The following WDR53 variants were observed in gnomAD, a reference collection of about 807,000 sequenced individuals.
The protein encoded by WDR53 is WD repeat domain 53.
WDR53 carries 19 observed loss-of-function variants against 21.3 expected under a neutral mutation model. The observed-to-expected ratio is 0.89, with a 90% CI of 0.62 to 1.31. The LOEUF is 1.31. Among genes scored for constraint, WDR53 ranks in the 50% most tolerant of loss-of-function variants. WDR53 has a pLI of 0.00. For missense variants in WDR53, 374 were observed against 423.2 expected (o/e 0.88, Z 1.02); for synonymous variants, 157 against 163.4 (o/e 0.96, Z 0.30).
intron 3 of WDR53, among the ~76,000 whole-genome samples, chr3:196,557,922 T>C (rs1373593150): frequency 6.6e-6 from 1 of 151,530 alleles, no homozygotes; most frequent in Non-Finnish European, 1.5e-5. Context: ...GGACTACAGG[T>C]GCTCACTACA....
rs763160818 is a variant in WDR53 at position 196,561,098 on chromosome 3, C to G, written c.378G>C (p.Lys126Asn). The G allele has an allele frequency of 4.3e-6, 7 of 1,614,096 alleles. No homozygotes were observed. Among genetic ancestry groups the G allele is most frequent in the African/African-American group, 1.3e-5 (1 of 74,930 alleles). ...GAIKILDLEN[K>N]KVIRSLKRHS... ...GTCTCTTCAAGGATCTGATAACTTTCTTGTTTTCCAAGTCTAGGATTTTGA... is the reference window on the plus strand; with the variant it reads ...GTCTCTTCAAGGATCTGATAACTTTGTTGTTTTCCAAGTCTAGGATTTTGA... The change falls in exon 3 of 4, where the codon AAG becomes AAC. Residue 126 changes from lysine to asparagine, a missense_variant. Coordinates refer to ENST00000332629, the MANE Select transcript of WDR53 (RefSeq NM_182627.3).
chr3:196,563,025 G>A (rs1472275794), intron 2 of WDR53, among the ~76,000 whole-genome samples: 1 of 151,210 alleles, frequency 6.6e-6, no homozygotes, highest in Non-Finnish European at 1.5e-5. Flanking sequence ...ATTTTTTTTT[G>A]CAAAGTCGGG....
intron 3 of WDR53, among the ~76,000 whole-genome samples, chr3:196,559,924 C>G (rs1734666149): frequency 6.6e-6 from 1 of 152,094 alleles, no homozygotes; most frequent in South Asian, 2.1e-4. Flanking sequence ...AGAATTAAAA[C>G]TAATATACAC....
At position 196,554,474 on chromosome 3, in the gene WDR53, T is replaced by G. The variant is rs751952027; in HGVS notation, c.814A>C (p.Ser272Arg). The change falls in exon 4 of 4, where the codon AGT becomes CGT. Residue 272 changes from serine (S) to arginine (R), a missense_variant. Transcript: ENST00000332629. ...DGKITLWDAN[S>R]EVEKKQKSPT... is the part of the protein sequence containing the mutation. Reference sequence around the variant, plus strand: ...CTCTTCTGTTTTTTCTCAACTTCACTGTTTGCATCCCACAACGTGATCTTC... The same window carrying G: ...CTCTTCTGTTTTTTCTCAACTTCACGGTTTGCATCCCACAACGTGATCTTC... 2 of 1,614,190 alleles carry G rather than the reference T, an allele frequency of 1.2e-6. No homozygotes were observed. The highest frequency in any genetic ancestry group is 2.2e-5 in the South Asian group (2 of 91,088).
chr3:196,564,637 A>G (rs1735211553), intron 2 of WDR53, among the ~76,000 whole-genome samples: 1 of 152,146 alleles, frequency 6.6e-6, no homozygotes, highest in African/African-American at 2.4e-5. Flanking sequence ...TGCTGGCATC[A>G]CAGGCATGAG....
chr3:196,565,199 CAT>C (rs3080588), intron 2 of WDR53, among the ~76,000 whole-genome samples: 61,273 of 150,976 alleles, frequency 0.41, 12,911 homozygotes, highest in Middle Eastern at 0.52. Flanking sequence ...CTCTAAATCA[CAT>C]AGATAATATT....
At chr3:196,567,357 TGAG>T (rs533945203) in intron 1 of WDR53, 50 bp from the exon 2 acceptor site, 264 of 399,364 alleles carry the variant, frequency 6.6e-4, no homozygotes, top group African/African-American at 5.1e-3. Flanking sequence ...GAAAAAGACA[TGAG>T]GAGAAGGGAC....
intron 3 of WDR53, among the ~76,000 whole-genome samples, chr3:196,558,157 TAAAG>T (rs1048767544): frequency 6.6e-6 from 1 of 152,146 alleles, no homozygotes; most frequent in African/African-American, 2.4e-5. Context: ...TCACGTGTCT[TAAAG>T]AACCACACTT....
intron 3 of WDR53, among the ~76,000 whole-genome samples, chr3:196,560,187 T>C (rs1381276815): frequency 3.9e-5 from 6 of 152,112 alleles, no homozygotes; most frequent in Admixed American, 3.3e-4. Context: ...TCTAGATACA[T>C]CTACTCTCCT....
chr3:196,564,395 C>CTTCTTTTT (rs140247486), intron 2 of WDR53, among the ~76,000 whole-genome samples: 1 of 135,908 alleles, frequency 7.4e-6, no homozygotes, highest in Non-Finnish European at 1.6e-5. Context: ...TTTCTTTTTT[C>CTTCTTTTT]TTTTTTTTTT....
At chr3:196,560,642 C>A (rs1010408373) in intron 3 of WDR53, among the ~76,000 whole-genome samples, 7 of 152,196 alleles carry the variant, frequency 4.6e-5, no homozygotes. Flanking sequence ...TAAAAACAGA[C>A]CCCTCTAACT....
chr3:196,561,551 G>A (rs1734876048), intron 2 of WDR53, 60 bp from the exon 3 acceptor site: 4 of 1,449,670 alleles, frequency 2.8e-6, no homozygotes, highest in Non-Finnish European at 3.7e-6. Context: ...GATGGGAGGA[G>A]ACAGATGTAA....
At chr3:196,564,454 G>A (rs559372517) in intron 2 of WDR53, among the ~76,000 whole-genome samples, 2 of 141,152 alleles carry the variant, frequency 1.4e-5, no homozygotes, top group Non-Finnish European at 3.0e-5. Context: ...GACCTCCCCA[G>A]GCTCAAGTGA....
intron 2 of WDR53, among the ~76,000 whole-genome samples, chr3:196,562,577 A>G (rs372840477): frequency 1.3e-5 from 2 of 152,256 alleles, no homozygotes; most frequent in East Asian, 3.9e-4. Context: ...GTGTTTTAGT[A>G]AGTCCTCCAG....
At chr3:196,556,946 T>C (rs1485353497) in intron 3 of WDR53, among the ~76,000 whole-genome samples, 1 of 152,248 alleles carries the variant, frequency 6.6e-6, no homozygotes, top group Non-Finnish European at 1.5e-5. Flanking sequence ...AGACTGTTCC[T>C]GTCTGGACAT....
At chr3:196,556,147 G>A (rs1289749232) in intron 3 of WDR53, among the ~76,000 whole-genome samples, 1 of 152,034 alleles carries the variant, frequency 6.6e-6, no homozygotes, top group Non-Finnish European at 1.5e-5. Flanking sequence ...TTGGGTTCAA[G>A]TGATCCTTCC....
intron 2 of WDR53, among the ~76,000 whole-genome samples, chr3:196,563,754 T>G (rs1000212234): frequency 2.0e-5 from 3 of 152,156 alleles, no homozygotes; most frequent in African/African-American, 7.2e-5. Flanking sequence ...CCATTTTTAG[T>G]AGAGACAGGG....
At chr3:196,564,774 A>G (rs1391294357) in intron 2 of WDR53, among the ~76,000 whole-genome samples, 1 of 152,094 alleles carries the variant, frequency 6.6e-6, no homozygotes, top group African/African-American at 2.4e-5. Flanking sequence ...GAGCATTAAG[A>G]TTTGCTGATA....
At chr3:196,557,856 C>A (rs1475589590) in intron 3 of WDR53, among the ~76,000 whole-genome samples, 2 of 150,786 alleles carry the variant, frequency 1.3e-5, no homozygotes, top group African/African-American at 4.9e-5. Context: ...TGGCTCACTG[C>A]AACCTCAACC....
Sources: gnomAD v4.1 joint callset for allele counts (sites outside exome capture counted in the v4.1 genomes callset) on GRCh38, gnomAD v4.1.1 for gene constraint, MANE v1.5 for transcripts, NCBI Gene and HGNC (gene_info 2026-07-23, HGNC 2026-07-21) for gene names.